The following PRSS23 variants were observed in gnomAD, a reference collection of about 807,000 sequenced individuals.
PRSS23 encodes the protein protease, serine 23.
PRSS23 carries 25 observed loss-of-function variants against 34.7 expected under a neutral mutation model. That is an observed-to-expected ratio of 0.72 (90% CI 0.53 to 1.01). The LOEUF (loss-of-function observed/expected upper bound fraction) is 1.01, where lower values mean the gene tolerates loss of function less well. Ranked by LOEUF, PRSS23 falls within the 50% of genes least tolerant of loss-of-function variation. PRSS23 has a pLI of 0.00. For synonymous variants in PRSS23, 176 were observed against 186.6 expected (o/e 0.94, Z 0.46); for missense variants, 445 against 475.6 (o/e 0.94, Z 0.60).
exon 3 of PRSS23, chr11:86,951,808 G>A: frequency 6.2e-7 from 1 of 1,613,948 alleles, no homozygotes; most frequent in Non-Finnish European, 8.5e-7. Flanking sequence ...ACCAAATGGA[G>A]CTGGCCATTC....
intron 1 of PRSS23, among the ~76,000 whole-genome samples, chr11:86,818,853 A>G (rs563214860): frequency 6.6e-6 from 1 of 152,338 alleles, no homozygotes; most frequent in South Asian, 2.1e-4. Context: ...GTGTTAATCA[A>G]TACATGCCAT....
intron 1 of PRSS23, among the ~76,000 whole-genome samples, chr11:86,821,941 A>G (rs1412877888): frequency 6.6e-6 from 1 of 152,218 alleles, no homozygotes; most frequent in Non-Finnish European, 1.5e-5. Flanking sequence ...GAATTTTAAA[A>G]GGAGAATTGA....
chr11:86,815,667 G>A (rs891313030), downstream of PRSS23, among the ~76,000 whole-genome samples: 4 of 152,358 alleles, frequency 2.6e-5, no homozygotes, highest in South Asian at 4.2e-4. Context: ...CAGGGGCTGA[G>A]TTCTGTTCTT....
chr11:86,845,180 CAT>C (rs1427375554), intron 2 of PRSS23, among the ~76,000 whole-genome samples: 1 of 151,656 alleles, frequency 6.6e-6, no homozygotes, highest in African/African-American at 2.4e-5. Context: ...CAATAATTAA[CAT>C]AGATTTTTAC....
chr11:86,943,930 G>A (rs1348095362), intron 2 of PRSS23, among the ~76,000 whole-genome samples: 5 of 151,872 alleles, frequency 3.3e-5, no homozygotes, highest in Admixed American at 2.0e-4. Flanking sequence ...TAGTAGAGAC[G>A]GGGTTTTACC....
In PRSS23 at chr11:86,885,530, A is replaced by G. The variant is rs117153031; in HGVS notation, c.206+61937A>G. Among the ~76,000 whole-genome samples the G allele has an allele frequency of 8.7e-3, 1,318 of 152,304 alleles. 8 individuals are homozygous for G. The highest frequency in any genetic ancestry group is 0.015 in the Non-Finnish European group (996 of 68,024). On this transcript the variant is annotated intron_variant, in intron 2 of 2. Coordinates refer to the PRSS23 transcript ENST00000533902. ...TGTGAGTAAACGGATTACCCTCCAT[A>G]ATGTGTGTGGGCTTCATCCAGTCAG...
At chr11:86,846,375 T>G (rs768599981) in intron 2 of PRSS23, among the ~76,000 whole-genome samples, 4 of 152,256 alleles carry the variant, frequency 2.6e-5, no homozygotes, top group East Asian at 3.9e-4. Context: ...GTCAGCCACT[T>G]AAAGGTGATT....
intron 2 of PRSS23, among the ~76,000 whole-genome samples, chr11:86,848,417 T>C (rs1948504334): frequency 1.3e-5 from 2 of 152,224 alleles, no homozygotes; most frequent in African/African-American, 4.8e-5. Context: ...ATTGGGATAC[T>C]GACTCAGATC....
At chr11:86,942,894 G>T (rs1311048437) in intron 2 of PRSS23, among the ~76,000 whole-genome samples, 1 of 152,190 alleles carries the variant, frequency 6.6e-6, no homozygotes, top group East Asian at 1.9e-4. Context: ...ACAGAATAAA[G>T]CCCTTCTCCC....
chr11:86,904,552 C>T (rs1948930252), intron 2 of PRSS23, among the ~76,000 whole-genome samples: 2 of 152,214 alleles, frequency 1.3e-5, no homozygotes, highest in South Asian at 4.1e-4. Flanking sequence ...TGTACCCCAA[C>T]TCTAAATACC....
chr11:86,886,349 C>T (rs923056514), intron 2 of PRSS23, among the ~76,000 whole-genome samples: 2 of 152,126 alleles, frequency 1.3e-5, no homozygotes, highest in African/African-American at 4.8e-5. Context: ...CATGATGGAT[C>T]ATTTGTAGGA....
At chr11:86,799,766 A>G (rs1350421168), upstream of PRSS23, among the ~76,000 whole-genome samples, 1 of 151,964 alleles carries the variant, frequency 6.6e-6, no homozygotes, top group Non-Finnish European at 1.5e-5. Context: ...CCACTGGACA[A>G]GGAGGTGGCT....
At chr11:86,847,024 T>C (rs938171463) in intron 2 of PRSS23, among the ~76,000 whole-genome samples, 2 of 152,214 alleles carry the variant, frequency 1.3e-5, no homozygotes, top group African/African-American at 2.4e-5. Context: ...CTTAGAGCCA[T>C]TGAATTGTTG....
chr11:86,932,191 G>C (rs1487040357), intron 2 of PRSS23, among the ~76,000 whole-genome samples: 1 of 152,184 alleles, frequency 6.6e-6, no homozygotes, highest in Non-Finnish European at 1.5e-5. Flanking sequence ...ACTGCTGAGA[G>C]TCATCAGAAT....
intron 2 of PRSS23, among the ~76,000 whole-genome samples, chr11:86,879,477 CG>C (rs1458396189): frequency 2.3e-5 from 3 of 127,906 alleles, no homozygotes; most frequent in Non-Finnish European, 5.2e-5. Context: ...CCAGGCCAGC[CG>C]CCCCGTCCGG....
intron 2 of PRSS23, among the ~76,000 whole-genome samples, chr11:86,852,897 A>G (rs1285318156): frequency 6.6e-6 from 1 of 152,230 alleles, no homozygotes; most frequent in Admixed American, 6.5e-5. Context: ...TCTGTCGCCC[A>G]GGCTGGAGTG....
At chr11:86,879,136 A>G (rs993198558) in intron 2 of PRSS23, among the ~76,000 whole-genome samples, 16 of 146,820 alleles carry the variant, frequency 1.1e-4, no homozygotes, top group Non-Finnish European at 1.9e-4. Flanking sequence ...CTAGGAAGTG[A>G]GGAGCGCCTC....
downstream of PRSS23, chr11:86,811,320 G>A (rs1213153921): frequency 6.2e-6 from 1 of 160,248 alleles, no homozygotes; most frequent in Non-Finnish European, 1.5e-5. Context: ...TTTTGGTTGA[G>A]GTGGTAATGT....
At chr11:86,889,227 A>C (rs183423929) in intron 2 of PRSS23, among the ~76,000 whole-genome samples, 54 of 152,316 alleles carry the variant, frequency 3.5e-4, no homozygotes, top group African/African-American at 1.3e-3. Flanking sequence ...TGTACAGTTC[A>C]GCAGATAGGC....
Sources: gnomAD v4.1 joint callset for allele counts (sites outside exome capture counted in the v4.1 genomes callset) on GRCh38, gnomAD v4.1.1 for gene constraint, MANE v1.5 for transcripts, NCBI Gene and HGNC (gene_info 2026-07-23, HGNC 2026-07-21) for gene names.